Variants in CTNNA3 observed in about 807,000 individuals in gnomAD.
CTNNA3 encodes catenin alpha-3.
In CTNNA3, 76 loss-of-function variants were observed where a neutral mutation model predicts 95.7. That is an observed-to-expected ratio of 0.79 (90% CI 0.66 to 0.96). CTNNA3 has a LOEUF of 0.96. Ranked by LOEUF, CTNNA3 falls within the 40% of genes least tolerant of loss-of-function variation. CTNNA3 has a pLI of 0.00. For synonymous variants in CTNNA3, 431 were observed against 374.4 expected (o/e 1.15, Z -1.74); for missense variants, 1,191 against 1,089.8 (o/e 1.09, Z -1.31).
chr10:66,795,319 G>T (rs1841145112), intron 7 of CTNNA3, among the ~76,000 whole-genome samples: 2 of 152,106 alleles, frequency 1.3e-5, no homozygotes, highest in East Asian at 1.9e-4. Context: ...TGTGTTACCA[G>T]GCATGAAAAC....
chr10:66,337,749 T>C (rs1320667373), intron 12 of CTNNA3, among the ~76,000 whole-genome samples: 3 of 151,932 alleles, frequency 2.0e-5, no homozygotes, highest in Non-Finnish European at 2.9e-5. Context: ...TAGACAATAA[T>C]AAATATGAAC....
intron 5 of CTNNA3, among the ~76,000 whole-genome samples, chr10:67,477,899 T>C (rs1848078797): frequency 6.6e-6 from 1 of 151,982 alleles, no homozygotes; most frequent in Non-Finnish European, 1.5e-5. Flanking sequence ...ATAAGCTCAA[T>C]GAGATGGAAG....
intron 10 of CTNNA3, among the ~76,000 whole-genome samples, chr10:66,569,547 C>A (rs997099899): frequency 2.0e-5 from 3 of 152,070 alleles, no homozygotes; most frequent in Non-Finnish European, 4.4e-5. Context: ...GTGCACAGAA[C>A]AATTTTAATT....
rs1361644769 is a variant in CTNNA3 at position 65,915,386 on chromosome 10, A to G, written c.*4944T>C. On this transcript the variant is annotated 3_prime_UTR_variant, in exon 18 of 18. Coordinates refer to ENST00000433211, the MANE Select transcript of CTNNA3 (RefSeq NM_013266.4). ...GGGCTGCCTAATCTTCATAAAACCA[A>G]AAAACTCTCCCCTCATCTATGAAAG... 2.0e-5 allele frequency: 3 copies of G among 151,882 alleles called. No individual in the cohort carries two copies. Among genetic ancestry groups the G allele is most frequent in the East Asian group, 1.9e-4 (1 of 5,174 alleles). The allele number at this position is 151,882 out of a possible 1,614,324, so 9.4% of individuals were successfully genotyped here.
intron 11 of CTNNA3, among the ~76,000 whole-genome samples, chr10:66,501,273 C>A (rs537185687): frequency 6.6e-6 from 1 of 152,198 alleles, no homozygotes; most frequent in African/African-American, 2.4e-5. Flanking sequence ...TAATGAGCTA[C>A]TAATTGCCAA....
At chr10:67,013,551 T>C (rs1852471053) in intron 7 of CTNNA3, among the ~76,000 whole-genome samples, 1 of 152,142 alleles carries the variant, frequency 6.6e-6, no homozygotes, top group East Asian at 1.9e-4. Context: ...TACCATGACC[T>C]CGGCAAACAC....
chr10:66,659,183 C>CAG (rs371655816), intron 9 of CTNNA3, among the ~76,000 whole-genome samples: 40 of 73,734 alleles, frequency 5.4e-4, no homozygotes, highest in East Asian at 4.8e-3. Context: ...ATTAAGAAAA[C>CAG]ACACACACAC....
intron 17 of CTNNA3, among the ~76,000 whole-genome samples, chr10:65,936,685 A>G (rs2077343753): frequency 6.6e-6 from 1 of 152,098 alleles, no homozygotes; most frequent in Admixed American, 6.6e-5. Context: ...GTGATTAAAA[A>G]CACAGACTTC....
At chr10:66,866,214 C>T (rs893740257) in intron 7 of CTNNA3, among the ~76,000 whole-genome samples, 1 of 152,296 alleles carries the variant, frequency 6.6e-6, no homozygotes, top group African/African-American at 2.4e-5. Context: ...AGGACTCCTG[C>T]CTGTCAGTAC....
chr10:66,349,856 A>G (rs2092553567), intron 12 of CTNNA3, among the ~76,000 whole-genome samples: 1 of 152,096 alleles, frequency 6.6e-6, no homozygotes, highest in African/African-American at 2.4e-5. Flanking sequence ...AAATATACTC[A>G]TCATTTACTC....
intron 14 of CTNNA3, among the ~76,000 whole-genome samples, chr10:66,076,908 T>C (rs1164128765): frequency 1.3e-5 from 2 of 151,716 alleles, no homozygotes; most frequent in African/African-American, 4.8e-5. Context: ...AATGAAACCC[T>C]CTCCAATGTT....
In CTNNA3 at chr10:66,147,485, CTTTG is replaced by C. The variant is rs1043937120; in HGVS notation, c.1885-44240_1885-44237del. The stretch of plus-strand genomic sequence containing the variant: ...GTTTTATGCATCTGTAGTATCATCT[CTTTG>C]TTTGTAGAACAACAGATGACTCTCC... On this transcript the variant is annotated intron_variant, in intron 13 of 17. Coordinates refer to ENST00000433211, the MANE Select transcript of CTNNA3 (RefSeq NM_013266.4). Among the ~76,000 whole-genome samples the C allele has an allele frequency of 5.9e-5, 9 of 151,492 alleles. 1 individual carries two copies. The highest frequency in any genetic ancestry group is 1.0e-4 in the Non-Finnish European group (7 of 67,870).
At chr10:67,729,790 A>C (rs144151320) in intron 1 of CTNNA3, among the ~76,000 whole-genome samples, 1,789 of 152,294 alleles carry the variant, frequency 0.012, 42 homozygotes, top group African/African-American at 0.041. Flanking sequence ...TAGTTGTACA[A>C]GGTTATAAAT....
chr10:66,664,561 A>T (rs1333137048), intron 9 of CTNNA3, among the ~76,000 whole-genome samples: 7 of 152,090 alleles, frequency 4.6e-5, no homozygotes, highest in Non-Finnish European at 8.8e-5. Context: ...TGACAGATAC[A>T]GGCTCATTAT....
chr10:65,922,299 C>T (rs991288467), intron 17 of CTNNA3, among the ~76,000 whole-genome samples: 12 of 152,130 alleles, frequency 7.9e-5, no homozygotes, highest in African/African-American at 2.4e-4. Flanking sequence ...TTTTGTAATG[C>T]ATGTTGCTAC....
chr10:66,764,920 T>C (rs1441482965), intron 9 of CTNNA3, among the ~76,000 whole-genome samples: 1 of 152,226 alleles, frequency 6.6e-6, no homozygotes, highest in Non-Finnish European at 1.5e-5. Flanking sequence ...AGTCAACCTC[T>C]CATTTAGTTT....
At chr10:67,208,032 T>A (rs1314341492) in intron 6 of CTNNA3, among the ~76,000 whole-genome samples, 1 of 152,084 alleles carries the variant, frequency 6.6e-6, no homozygotes, top group Non-Finnish European at 1.5e-5. Flanking sequence ...GAAACATAAT[T>A]AGTATAATTA....
intron 9 of CTNNA3, among the ~76,000 whole-genome samples, chr10:66,628,061 G>A (rs1845000123): frequency 3.3e-5 from 5 of 151,956 alleles, no homozygotes; most frequent in Admixed American, 3.3e-4. Flanking sequence ...ACTCATTTAT[G>A]TATCTATCAG....
At chr10:66,331,295 T>C (rs1259832509) in intron 12 of CTNNA3, among the ~76,000 whole-genome samples, 1 of 150,644 alleles carries the variant, frequency 6.6e-6, no homozygotes, top group Non-Finnish European at 1.5e-5. Context: ...GGCTAGCCAG[T>C]TTTCCCAGCA....
Sources: allele counts gnomAD v4.1 joint callset (sites outside exome capture counted in the v4.1 genomes callset), GRCh38; gene constraint gnomAD v4.1.1; transcripts MANE v1.5; gene names NCBI Gene and HGNC (gene_info 2026-07-23, HGNC 2026-07-21).